TEX9: variants seen among roughly 807,000 people sequenced by gnomAD.
TEX9 encodes testis-expressed protein 9.
A neutral mutation model predicts 59.6 loss-of-function variants in TEX9; 74 were observed. That is an observed-to-expected ratio of 1.24 (90% confidence interval 1.03 to 1.51). The LOEUF is 1.51. TEX9 is among the 40% of genes most tolerant of loss of function. TEX9 has a pLI of 0.00. For missense variants in TEX9, 522 were observed against 447.8 expected, an observed-to-expected ratio of 1.17 and a Z score of -1.49; for synonymous variants, 186 against 152.2, an observed-to-expected ratio of 1.22 and a Z score of -1.64.
At chr15:56,286,714 A>T (rs1447037003) in intron 1 of TEX9, among the ~76,000 whole-genome samples, 1 of 152,172 alleles carries the variant, frequency 6.6e-6, no homozygotes, top group Non-Finnish European at 1.5e-5. Context: ...AGCCAGTGCA[A>T]TGGAGGCTCA....
At chr15:56,307,757 T>G (rs1468870213) in intron 1 of TEX9, among the ~76,000 whole-genome samples, 4 of 152,206 alleles carry the variant, frequency 2.6e-5, no homozygotes, top group Non-Finnish European at 5.9e-5. Flanking sequence ...CCCCAGTCTC[T>G]GAGTCTCTGG....
chr15:56,440,037 T>C (rs896686423), intron 12 of TEX9, among the ~76,000 whole-genome samples: 1 of 152,096 alleles, frequency 6.6e-6, no homozygotes, highest in Non-Finnish European at 1.5e-5. Context: ...GTATCTAGAA[T>C]ATATGAAGAA....
chr15:56,341,775 GATATAAAA>G (rs1447431391), intron 1 of TEX9, among the ~76,000 whole-genome samples: 34 of 152,016 alleles, frequency 2.2e-4, no homozygotes, highest in African/African-American at 7.5e-4. Context: ...CAAAAACATT[GATATAAAA>G]ATATAAAAAT....
At chr15:56,252,903 A>G (rs951335867) in intron 1 of TEX9, among the ~76,000 whole-genome samples, 5 of 152,152 alleles carry the variant, frequency 3.3e-5, no homozygotes, top group African/African-American at 1.2e-4. Flanking sequence ...AATTTAATGA[A>G]AAATATTTCT....
intron 12 of TEX9, among the ~76,000 whole-genome samples, chr15:56,433,905 G>A (rs1454930490): frequency 3.3e-5 from 5 of 151,914 alleles, no homozygotes; most frequent in African/African-American, 1.2e-4. Flanking sequence ...TAAGTGACAT[G>A]GACTTAGTTT....
chr15:56,411,979 T>A (rs886452728), intron 9 of TEX9, among the ~76,000 whole-genome samples: 5 of 152,158 alleles, frequency 3.3e-5, no homozygotes, highest in Non-Finnish European at 2.9e-5. Context: ...AATACAGTTA[T>A]AATGAGTTGT....
At chr15:56,296,295 A>C (rs1481085101) in intron 1 of TEX9, among the ~76,000 whole-genome samples, 1 of 152,168 alleles carries the variant, frequency 6.6e-6, no homozygotes, top group African/African-American at 2.4e-5. Flanking sequence ...TGTGACATTC[A>C]TTCTAGTTTG....
At chr15:56,264,789 G>A (rs1233478275) in intron 1 of TEX9, among the ~76,000 whole-genome samples, 1 of 152,148 alleles carries the variant, frequency 6.6e-6, no homozygotes, top group Non-Finnish European at 1.5e-5. Context: ...ATGTTCTGAG[G>A]CATGTGTTGA....
chr15:56,365,391 G>T (rs2046887299), upstream of TEX9: 1 of 1,583,208 alleles, frequency 6.3e-7, no homozygotes, highest in African/African-American at 1.3e-5. Context: ...CAACCGGGAT[G>T]TGGAAACTCT....
intron 8 of TEX9, 88 bp from the exon 9 acceptor site, chr15:56,394,570 CAAA>C (rs1395206025): frequency 2.1e-6 from 2 of 953,876 alleles, no homozygotes; most frequent in Non-Finnish European, 3.1e-6. Context: ...GTATAAATAT[CAAA>C]GAACATATGA....
At chr15:56,277,964 T>A (rs559180931) in intron 1 of TEX9, among the ~76,000 whole-genome samples, 46 of 152,278 alleles carry the variant, frequency 3.0e-4, no homozygotes, top group African/African-American at 1.0e-3. Flanking sequence ...TTTCGTTTTT[T>A]TTTTCTCTTT....
intron 1 of TEX9, among the ~76,000 whole-genome samples, chr15:56,333,273 A>C (rs1441792652): frequency 2.6e-5 from 4 of 152,188 alleles, no homozygotes; most frequent in African/African-American, 9.7e-5. Context: ...TCAACAAAAC[A>C]CTAGCAAACC....
At chr15:56,248,687 T>C (rs2043926451) in intron 1 of TEX9, 1 of 152,230 alleles carries the variant, frequency 6.6e-6, no homozygotes, top group South Asian at 2.1e-4. Flanking sequence ...TTAAAGGAAG[T>C]GTTTACTTTA....
chr15:56,325,379 A>T (rs2046000135), intron 1 of TEX9, among the ~76,000 whole-genome samples: 1 of 152,184 alleles, frequency 6.6e-6, no homozygotes, highest in African/African-American at 2.4e-5. Context: ...TACGTGATTT[A>T]GAAAGTCTGG....
intron 12 of TEX9, chr15:56,428,949 G>A: frequency 1.8e-6 from 1 of 559,334 alleles, no homozygotes; most frequent in Non-Finnish European, 3.1e-6. Flanking sequence ...ATTTGTATCT[G>A]ATAATTGTTT....
chr15:56,409,272 C>T (rs2049232332), intron 9 of TEX9, among the ~76,000 whole-genome samples: 1 of 152,146 alleles, frequency 6.6e-6, no homozygotes, highest in African/African-American at 2.4e-5. Flanking sequence ...CCAAAGGCTT[C>T]CCGTGTCACT....
chr15:56,405,647 G>A (rs1385759731), intron 9 of TEX9, among the ~76,000 whole-genome samples: 3 of 152,006 alleles, frequency 2.0e-5, no homozygotes, highest in African/African-American at 7.3e-5. Flanking sequence ...CTGCCAGATA[G>A]GTATAATAAT....
At chr15:56,425,476 A>G (rs2050196169) in intron 10 of TEX9, among the ~76,000 whole-genome samples, 1 of 151,944 alleles carries the variant, frequency 6.6e-6, no homozygotes, top group South Asian at 2.1e-4. Flanking sequence ...ATTCTTTCTT[A>G]TACCTGTACA....
chr15:56,273,238 C>T (rs1372213951), intron 1 of TEX9, among the ~76,000 whole-genome samples: 1 of 152,106 alleles, frequency 6.6e-6, no homozygotes, highest in Non-Finnish European at 1.5e-5. Flanking sequence ...CAGTACCACA[C>T]CCGGCCGAAT....
Sources: gnomAD v4.1 joint callset for allele counts (sites outside exome capture counted in the v4.1 genomes callset) on GRCh38, gnomAD v4.1.1 for gene constraint, MANE v1.5 for transcripts, NCBI Gene and HGNC (gene_info 2026-07-23, HGNC 2026-07-21) for gene names.